Variants in KIF6 observed in about 807,000 individuals in gnomAD.
KIF6 encodes kinesin-like protein KIF6.
A neutral mutation model predicts 112.7 loss-of-function variants in KIF6; 106 were observed. The ratio of observed to expected loss-of-function variants is 0.94; its 90% confidence interval spans 0.80 to 1.11. The LOEUF (loss-of-function observed/expected upper bound fraction) is 1.11, where lower values mean the gene tolerates loss of function less well. KIF6 is among the 50% of genes least tolerant of loss of function. KIF6 has a pLI of 0.00. For synonymous variants in KIF6, 339 were observed against 339.9 expected, an observed-to-expected ratio of 1.00 and a Z score of 0.03; for missense variants, 929 against 964.0, an observed-to-expected ratio of 0.96 and a Z score of 0.48.
intron 10 of KIF6, among the ~76,000 whole-genome samples, chr6:39,560,611 C>G (rs561236829): frequency 6.6e-6 from 1 of 152,290 alleles, no homozygotes; most frequent in Admixed American, 6.5e-5. Flanking sequence ...AATTTCTATT[C>G]CCCGCAATTA....
At chr6:39,363,249 G>A (rs1382624007) in intron 16 of KIF6, among the ~76,000 whole-genome samples, 1 of 152,226 alleles carries the variant, frequency 6.6e-6, no homozygotes, top group African/African-American at 2.4e-5. Flanking sequence ...TGCACAAGTG[G>A]AGGTGCTTAA....
At chr6:39,360,325 C>A in intron 18 of KIF6, 70 bp downstream of exon 18, 1 of 1,575,638 alleles carries the variant, frequency 6.3e-7, no homozygotes, top group Non-Finnish European at 8.6e-7. Flanking sequence ...CCCACTGTGT[C>A]TCTTGACAGC....
chr6:39,361,422 TGTG>T (rs1181597575), intron 17 of KIF6, among the ~76,000 whole-genome samples: 7 of 151,554 alleles, frequency 4.6e-5, no homozygotes, highest in Non-Finnish European at 2.9e-5. Flanking sequence ...AGCTGGGTGT[TGTG>T]GTGCGTGGCT....
intron 13 of KIF6, among the ~76,000 whole-genome samples, chr6:39,434,987 T>C (rs1771424745): frequency 6.6e-6 from 1 of 152,248 alleles, no homozygotes; most frequent in Non-Finnish European, 1.5e-5. Context: ...ATTATTTCAG[T>C]TAAATTTCTC....
chr6:39,683,658 T>C (rs545748364), intron 3 of KIF6, among the ~76,000 whole-genome samples: 1 of 152,230 alleles, frequency 6.6e-6, no homozygotes, highest in Admixed American at 6.5e-5. Flanking sequence ...AGAGAAGACT[T>C]AGTCCAAGGT....
At position 39,576,746 on chromosome 6, in the gene KIF6, A is replaced by G. The variant is rs535127665; in HGVS notation, c.1181+1310T>C. Among the ~76,000 whole-genome samples, 177 of 152,198 alleles carry G rather than the reference A, an allele frequency of 1.2e-3. 1 individual carries two copies. The highest frequency in any genetic ancestry group is 2.7e-3 in the Admixed American group (42 of 15,298). ...TGTCCCTGCAATCCTAGGGGCATAGAAGCTCCTGCTGTTACTGATCTCTGG... is the reference window on the plus strand; with the variant it reads ...TGTCCCTGCAATCCTAGGGGCATAGGAGCTCCTGCTGTTACTGATCTCTGG... On this transcript the variant is annotated intron_variant, in intron 10 of 22. Transcript: ENST00000287152.
At chr6:39,512,457 T>G (rs930014902) in intron 13 of KIF6, among the ~76,000 whole-genome samples, 8 of 152,162 alleles carry the variant, frequency 5.3e-5, no homozygotes, top group African/African-American at 1.9e-4. Context: ...AGCCCATACC[T>G]GTCTTGACCA....
At chr6:39,704,445 C>A (rs1226387390) in intron 3 of KIF6, among the ~76,000 whole-genome samples, 1 of 152,124 alleles carries the variant, frequency 6.6e-6, no homozygotes. Flanking sequence ...ATGGTAAAAC[C>A]CTGTCTCTAC....
At chr6:39,546,918 C>T (rs1175195650) in intron 10 of KIF6, among the ~76,000 whole-genome samples, 1 of 151,768 alleles carries the variant, frequency 6.6e-6, no homozygotes, top group Non-Finnish European at 1.5e-5. Flanking sequence ...ATTCTTGGCT[C>T]TTATTTATCT....
intron 3 of KIF6, among the ~76,000 whole-genome samples, chr6:39,688,155 G>A (rs1019063828): frequency 1.3e-5 from 2 of 152,154 alleles, no homozygotes; most frequent in African/African-American, 4.8e-5. Context: ...AGGGGAGAAT[G>A]CAAGGGGGAA....
At chr6:39,581,024 T>C (rs1055003762) in intron 9 of KIF6, among the ~76,000 whole-genome samples, 2 of 152,154 alleles carry the variant, frequency 1.3e-5, no homozygotes, top group African/African-American at 4.8e-5. Context: ...GCAAAATTCC[T>C]AAAAGAAAAA....
intron 13 of KIF6, among the ~76,000 whole-genome samples, chr6:39,514,246 C>T (rs560750253): frequency 6.6e-6 from 1 of 152,302 alleles, no homozygotes; most frequent in East Asian, 1.9e-4. Flanking sequence ...TAGATCTAGG[C>T]ATGTGACTTG....
chr6:39,362,887 G>A (rs895109271), intron 16 of KIF6, among the ~76,000 whole-genome samples: 26 of 152,168 alleles, frequency 1.7e-4, no homozygotes, highest in African/African-American at 6.3e-4. Flanking sequence ...AGTGGCTCAC[G>A]CTTGTAATCC....
chr6:39,443,997 A>G (rs1362938110), intron 13 of KIF6, among the ~76,000 whole-genome samples: 3 of 152,216 alleles, frequency 2.0e-5, no homozygotes, highest in Non-Finnish European at 2.9e-5. Context: ...AATTCAATTA[A>G]TCTTCACAAC....
chr6:39,620,354 A>C (rs1423651276), intron 5 of KIF6: 1 of 152,164 alleles, frequency 6.6e-6, no homozygotes, highest in Non-Finnish European at 1.5e-5. Flanking sequence ...AGTACCACAA[A>C]TTATGTACTC....
chr6:39,629,608 T>C (rs1784259962), intron 5 of KIF6, among the ~76,000 whole-genome samples: 2 of 152,132 alleles, frequency 1.3e-5, no homozygotes, highest in Admixed American at 1.3e-4. Context: ...GATATGTATT[T>C]GATAATTAAT....
At position 39,452,888 on chromosome 6, in the gene KIF6, T is replaced by C. The variant is rs1416509656; in HGVS notation, c.1646-21727A>G. 2.3e-4 allele frequency among the ~76,000 whole-genome samples: 35 copies of C among 152,222 alleles called. 1 individual carries two copies. Among genetic ancestry groups the C allele is most frequent in the Admixed American group, 2.3e-3 (35 of 15,288 alleles). On this transcript the variant is annotated intron_variant, in intron 13 of 22. Transcript: ENST00000287152. ...AGTCAACAGCATAAGATTCCTATAA[T>C]GCTATGATTCTTGGACATTCTCCCC...
rs370628918 is a variant in KIF6, at chr6:39,607,169, G to C, written c.639+6020C>G. Reference sequence around the variant, plus strand: ...ACTTTAAAGATCAGAAGAAACTCTGGGACTAAATTTTATAGCCAAAAGACT... The same window carrying C: ...ACTTTAAAGATCAGAAGAAACTCTGCGACTAAATTTTATAGCCAAAAGACT... On this transcript the variant is annotated intron_variant, in intron 6 of 22. Transcript: ENST00000287152. Among the ~76,000 whole-genome samples the C allele has an allele frequency of 2.0e-5, 3 of 152,084 alleles. No individual in the cohort carries two copies. The South Asian group carries it at 6.3e-4, about 32-fold the overall frequency.
chr6:39,385,752 T>C, intron 15 of KIF6, 80 bp from the exon 16 acceptor site: 2 of 511,570 alleles, frequency 3.9e-6, no homozygotes, highest in African/African-American at 3.4e-5. Context: ...TGTGGCAAGC[T>C]ACAGAAAAAA....
Sources: gnomAD v4.1 joint callset for allele counts (sites outside exome capture counted in the v4.1 genomes callset) on GRCh38, gnomAD v4.1.1 for gene constraint, MANE v1.5 for transcripts, NCBI Gene and HGNC (gene_info 2026-07-23, HGNC 2026-07-21) for gene names.